PCID2: variants seen among roughly 807,000 people sequenced by gnomAD.
PCID2 encodes PCI domain-containing protein 2.
A neutral mutation model predicts 61.3 loss-of-function variants in PCID2; 41 were observed. The ratio of observed to expected loss-of-function variants is 0.67; its 90% CI spans 0.52 to 0.87. The LOEUF is 0.87. PCID2 is among the 40% of genes least tolerant of loss of function. The pLI is 0.00. For synonymous variants in PCID2, 187 were observed against 177.8 expected (o/e 1.05, Z -0.41); for missense variants, 392 against 493.4 (o/e 0.79, Z 1.95).
the PCID2 span, among the ~76,000 whole-genome samples, chr13:113,168,517 C>T: frequency 3.1e-4 from 48 of 152,384 alleles, no homozygotes; most frequent in Non-Finnish European, 6.3e-4. Flanking sequence ...AGACGGCTCC[C>T]ATCACCCTGC....
At position 113,179,027 on chromosome 13, in the gene PCID2, A is replaced by G. The variant is rs2037370558; in HGVS notation, c.1049T>C (p.Met350Thr). Residue 350 changes from methionine (M) to threonine (T), a missense_variant, in exon 13 of 14, where the codon ATG (methionine) becomes ACG (threonine). By Grantham distance (81) the Met-to-Thr change is moderately conservative (BLOSUM62 -1). Transcript: ENST00000337344. The surrounding 1 kb of genome is among the most constrained non-coding windows in gnomAD (Gnocchi z 4.3). ...GTCAATGTCCACGTCCTCCACCTGC[A>G]TGAACTTCAAGGCAACCAGAAAAGC... is the stretch of plus-strand genomic sequence containing the variant. ...LDAFLVALKFMQVEDVDIDEV... is the reference protein window; with the variant it reads ...LDAFLVALKFTQVEDVDIDEV... The G allele has an allele frequency of 6.2e-7, 1 of 1,613,986 alleles. No homozygotes were observed. The highest frequency in any genetic ancestry group is 8.5e-7 in the Non-Finnish European group (1 of 1,179,846).
At chr13:113,176,538 A>AATTGCCCCGACAGAACTGTGGCCTTGG, downstream of PCID2, among the ~76,000 whole-genome samples, 7 of 50,746 alleles carry the variant, frequency 1.4e-4, no homozygotes, top group Non-Finnish European at 2.3e-4. Flanking sequence ...GAGGTGGGGG[A>AATTGCCCCGACAGAACTGTGGCCTTGG]ATTGCTTTAG....
At chr13:113,167,559 C>A in the PCID2 span, among the ~76,000 whole-genome samples, 3 of 152,212 alleles carry the variant, frequency 2.0e-5, no homozygotes, top group Non-Finnish European at 2.9e-5. Flanking sequence ...CTAAAATCCC[C>A]TTTGTCTGAT....
chr13:113,199,020 CT>C (rs1220488907), intron 2 of PCID2, among the ~76,000 whole-genome samples: 3 of 152,204 alleles, frequency 2.0e-5, no homozygotes, highest in African/African-American at 7.2e-5. Flanking sequence ...ACATTTCTTT[CT>C]AAGTTTTCCT....
rs534775442 is a variant in PCID2, at chr13:113,197,584, T to C, written c.201-341A>G. Among the ~76,000 whole-genome samples, 12 of 152,300 alleles carry C rather than the reference T, an allele frequency of 7.9e-5. No individual in the cohort carries two copies. The East Asian group carries it at 2.1e-3, about 27-fold the overall frequency. ...ATGTCAGTGTTAGTTCATCGCCAAA[T>C]CTGGAACCTATCGCACACTGCACAG... On this transcript the variant is annotated intron_variant, in intron 3 of 13. Coordinates refer to ENST00000337344, the MANE Select transcript of PCID2 (RefSeq NM_001127202.4).
intron 1 of PCID2, 180 bp from the exon 2 acceptor site, chr13:113,200,696 CTTTTTTTTT>C (rs998821979): frequency 4.5e-6 from 1 of 220,786 alleles, no homozygotes; most frequent in East Asian, 1.3e-4. Flanking sequence ...ACAATAATTT[CTTTTTTTTT>C]TTTTTTTTTT....
At chr13:113,165,619 C>G in the PCID2 span, among the ~76,000 whole-genome samples, 1 of 152,202 alleles carries the variant, frequency 6.6e-6, no homozygotes, top group South Asian at 2.1e-4. Flanking sequence ...CAACCTCTGC[C>G]TCCTGGGCAC....
intron 6 of PCID2, among the ~76,000 whole-genome samples, chr13:113,194,777 C>A (rs2038883872): frequency 6.6e-6 from 1 of 152,158 alleles, no homozygotes; most frequent in African/African-American, 2.4e-5. Flanking sequence ...AGAATAAGCT[C>A]ATTTGTTGTT....
Position 113,179,830 on chromosome 13 carries a change from T to G in PCID2, c.986+87A>C. 7.3e-7 allele frequency: 1 copy of G among 1,370,962 alleles called. No homozygotes were observed. 84.9% of individuals were successfully genotyped at this position (1,370,962 alleles called of 1,614,324 possible). A position where few individuals can be genotyped will look rare whatever the true frequency, so the allele number is the denominator to read the frequency against. On this transcript the variant is annotated intron_variant, in intron 12 of 13. Coordinates refer to ENST00000337344, the MANE Select transcript of PCID2 (RefSeq NM_001127202.4). This position sits in a 1 kb window ranked among gnomAD's most constrained non-coding sequence, Gnocchi z 4.3. ...TAACGACCCCACCCACACGGTGGCC[T>G]TCTCTCTTAGACTGCAACAGCCCTG... is the stretch of plus-strand genomic sequence containing the variant.
In PCID2 at chr13:113,180,050, G is replaced by C. The variant is rs200655647; in HGVS notation, c.861-8C>G. On this transcript the variant is annotated splice_polypyrimidine_tract_variant and splice_region_variant and intron_variant, in intron 11 of 13. Transcript: ENST00000337344. The stretch of plus-strand genomic sequence containing the variant: ...AGCAGCAGGTTGCCCTCGCTGGTGA[G>C]GGGGGAGGCGCGTCAGAAGGAGGGT... 2.0e-5 allele frequency: 32 copies of C among 1,613,162 alleles called. No individual in the cohort carries two copies. The highest frequency in any genetic ancestry group is 2.6e-5 in the Non-Finnish European group (31 of 1,179,792).
At chr13:113,182,539 C>T (rs144645263) in intron 9 of PCID2, among the ~76,000 whole-genome samples, 2,603 of 152,274 alleles carry the variant, frequency 0.017, 70 homozygotes, top group African/African-American at 0.058. Flanking sequence ...CTTGCTCTGT[C>T]GCCAAGCTGG....
downstream of PCID2, among the ~76,000 whole-genome samples, chr13:113,173,294 C>T (rs2037145409): frequency 6.6e-6 from 1 of 152,230 alleles, no homozygotes; most frequent in African/African-American, 2.4e-5. Flanking sequence ...TGCAGTCCAG[C>T]CCCCAGTGAA....
At chr13:113,178,460 T>C (rs1458084880) in intron 13 of PCID2, 173 bp from the exon 14 acceptor site, 3 of 531,216 alleles carry the variant, frequency 5.6e-6, no homozygotes, top group Non-Finnish European at 1.0e-5. Context: ...ATATCCACGG[T>C]GGGTTTCATA....
At chr13:113,170,480 T>C in the PCID2 span, 1 of 1,610,010 alleles carries the variant, frequency 6.2e-7, no homozygotes. Context: ...AATTTTGTAC[T>C]GACAACAGCA....
chr13:113,197,277 T>C, intron 3 of PCID2, 34 bp from the exon 4 acceptor site: 1 of 1,479,636 alleles, frequency 6.8e-7, no homozygotes, highest in Non-Finnish European at 9.5e-7. Flanking sequence ...TGTCACACAA[T>C]AAAAACCTAG....
At position 113,180,270 on chromosome 13, in the gene PCID2, T is replaced by C. The variant is rs1027013117; in HGVS notation, c.787-39A>G. 2.1e-6 allele frequency: 3 copies of C among 1,441,568 alleles called. No homozygotes were observed. In the African/African-American group the frequency reaches 4.2e-5, roughly 20 times the overall value. 89.3% of individuals were successfully genotyped at this position (1,441,568 alleles called of 1,614,324 possible). A position where few individuals can be genotyped will look rare whatever the true frequency, so the allele number is the denominator to read the frequency against. ...TTCCAGAATGAAAATGCTTTCATTT[T>C]TGACAAAATTGTCCTTGATAAATAT... is the stretch of plus-strand genomic sequence containing the variant. On this transcript the variant is annotated intron_variant, in intron 10 of 13. Coordinates refer to ENST00000337344, the MANE Select transcript of PCID2 (RefSeq NM_001127202.4).
chr13:113,182,600 C>G (rs1025277925), intron 9 of PCID2, among the ~76,000 whole-genome samples: 15 of 152,108 alleles, frequency 9.9e-5, no homozygotes, highest in Non-Finnish European at 2.1e-4. Context: ...CCCGGGTTCA[C>G]GTCATTCTCC....
chr13:113,184,385 C>T lies in PCID2; in HGVS notation c.646G>A (p.Val216Ile), dbSNP rs1437641324. 10 of 1,613,128 alleles carry T rather than the reference C, an allele frequency of 6.2e-6. No homozygotes were observed. Among genetic ancestry groups the T allele is most frequent in the East Asian group, 4.5e-5 (2 of 44,876 alleles). ...CTGTCAAACATAGCCTTGCGTCCAACGTAGTATTTGTATGTTACTCTCTGT... is the reference window on the plus strand; with the variant it reads ...CTGTCAAACATAGCCTTGCGTCCAATGTAGTATTTGTATGTTACTCTCTGT... Reference protein sequence around the residue: ...TAQRVTYKYYVGRKAMFDSDF... With the variant: ...TAQRVTYKYYIGRKAMFDSDF... Residue 216 changes from valine to isoleucine, a missense_variant, in exon 9 of 14, where the codon GTT becomes ATT. Coordinates refer to ENST00000337344, the MANE Select transcript of PCID2 (RefSeq NM_001127202.4).
At chr13:113,172,147 G>A in the PCID2 span, 23 of 1,604,386 alleles carry the variant, frequency 1.4e-5, no homozygotes, top group South Asian at 1.0e-4. Context: ...AACCGGAAGC[G>A]GGATTCCAAG....
Sources: gnomAD v4.1 joint callset for allele counts (sites outside exome capture counted in the v4.1 genomes callset) on GRCh38, gnomAD v4.1.1 for gene constraint, Gnocchi (gnomAD v3.1) non-coding constraint, MANE v1.5 for transcripts, NCBI Gene and HGNC (gene_info 2026-07-23, HGNC 2026-07-21) for gene names.